Variants in NRXN1 observed in about 807,000 individuals in gnomAD.
NRXN1 encodes neurexin-1.
Under a neutral mutation model 150.9 loss-of-function variants are expected in NRXN1, and 39 were observed. The ratio of observed to expected loss-of-function variants is 0.26; its 90% CI spans 0.20 to 0.34. NRXN1 has a LOEUF of 0.34. Among genes scored for constraint, NRXN1 ranks in the 10% least tolerant of loss-of-function variants. The pLI is 1.00. For synonymous variants in NRXN1, 924 were observed against 757.0 expected (o/e 1.22, Z -3.62); for missense variants, 1,815 against 1,949.9 (o/e 0.93, Z 1.30).
chr2:51,006,308 C>T (rs1700714398), intron 2 of NRXN1, among the ~76,000 whole-genome samples: 1 of 150,314 alleles, frequency 6.7e-6, no homozygotes, highest in Non-Finnish European at 1.5e-5. Flanking sequence ...AAAAACCAAA[C>T]ACAGCATGTT....
At chr2:51,017,499 C>G (rs12990172) in intron 2 of NRXN1, among the ~76,000 whole-genome samples, 26,104 of 109,032 alleles carry the variant, frequency 0.24, 3,189 homozygotes, top group Non-Finnish European at 0.29. Flanking sequence ...GCCACCACAT[C>G]TGGCTTTTTT....
In NRXN1 at chr2:49,921,861, A is replaced by T. The variant is rs978892144; in HGVS notation, c.*83T>A. ...TGTCTTCTTTTGTATGTGCTTCATA[A>T]AAAGGAAAGTAAATAAGTTTATATT... On this transcript the variant is annotated 3_prime_UTR_variant, in exon 23 of 23. Coordinates refer to ENST00000401669, the MANE Select transcript of NRXN1 (RefSeq NM_001330078.2). 6 of 1,411,502 alleles carry T rather than the reference A, an allele frequency of 4.3e-6. No individual in the cohort carries two copies. The highest frequency in any genetic ancestry group is 5.9e-6 in the Non-Finnish European group (6 of 1,018,792). The allele number at this position is 1,411,502 out of a possible 1,614,324, so 87.4% of individuals were successfully genotyped here.
intron 18 of NRXN1, among the ~76,000 whole-genome samples, chr2:50,099,814 A>G (rs866567754): frequency 6.6e-6 from 1 of 152,278 alleles, no homozygotes; most frequent in South Asian, 2.1e-4. Context: ...CAGAGCATCT[A>G]TCTATGACTT....
intron 5 of NRXN1, among the ~76,000 whole-genome samples, chr2:50,777,276 T>C (rs989600728): frequency 6.6e-6 from 1 of 152,114 alleles, no homozygotes; most frequent in African/African-American, 2.4e-5. Flanking sequence ...GCAAATGGGA[T>C]ATGAGGTTTA....
intron 17 of NRXN1, among the ~76,000 whole-genome samples, chr2:50,459,845 A>G (rs953164461): frequency 1.3e-5 from 2 of 152,140 alleles, no homozygotes; most frequent in African/African-American, 4.8e-5. Flanking sequence ...TATAAAAAGT[A>G]AAATTAAACT....
At chr2:50,392,275 T>C (rs780800809) in intron 17 of NRXN1, among the ~76,000 whole-genome samples, 15 of 152,174 alleles carry the variant, frequency 9.9e-5, no homozygotes, top group Admixed American at 3.3e-4. Context: ...ATTGTCTTAC[T>C]GCCTTTCTAA....
chr2:49,958,556 G>C (rs1416429567), intron 21 of NRXN1, among the ~76,000 whole-genome samples: 2 of 152,062 alleles, frequency 1.3e-5, no homozygotes, highest in African/African-American at 4.8e-5. Context: ...TCATTGCTTA[G>C]ATGCCTACTA....
At chr2:50,353,432 G>A (rs540926350) in intron 17 of NRXN1, among the ~76,000 whole-genome samples, 1 of 152,058 alleles carries the variant, frequency 6.6e-6, no homozygotes, top group Non-Finnish European at 1.5e-5. Flanking sequence ...GTTTCAATGT[G>A]TTCATAATGT....
chr2:49,934,417 C>T (rs957711265), intron 22 of NRXN1, among the ~76,000 whole-genome samples: 2 of 152,136 alleles, frequency 1.3e-5, no homozygotes, highest in African/African-American at 2.4e-5. Flanking sequence ...CTGAGTCATT[C>T]TGTGTAATGG....
chr2:50,014,852 A>C (rs938743134), intron 21 of NRXN1, among the ~76,000 whole-genome samples: 1 of 152,134 alleles, frequency 6.6e-6, no homozygotes, highest in Admixed American at 6.5e-5. Context: ...GAAATAGCCC[A>C]GTGTAGTAAG....
intron 17 of NRXN1, among the ~76,000 whole-genome samples, chr2:50,395,418 G>T (rs1345574622): frequency 6.6e-6 from 1 of 151,222 alleles, no homozygotes; most frequent in Non-Finnish European, 1.5e-5. Flanking sequence ...TTATAAAAAA[G>T]AATTTTTTTC....
At chr2:50,793,284 A>C (rs1183489907) in intron 5 of NRXN1, among the ~76,000 whole-genome samples, 1 of 152,106 alleles carries the variant, frequency 6.6e-6, no homozygotes, top group Admixed American at 6.6e-5. Flanking sequence ...TGGTATGAAA[A>C]TGTTCAGATA....
chr2:50,264,758 A>G (rs1477372392), intron 17 of NRXN1, among the ~76,000 whole-genome samples: 1 of 152,090 alleles, frequency 6.6e-6, no homozygotes, highest in East Asian at 1.9e-4. Flanking sequence ...CAGGAAGAAC[A>G]TTGTGGAAAC....
intron 2 of NRXN1, among the ~76,000 whole-genome samples, chr2:50,976,156 C>T (rs1019149539): frequency 2.3e-4 from 35 of 150,614 alleles, no homozygotes; most frequent in Non-Finnish European, 5.9e-5. Flanking sequence ...TTAAGACACT[C>T]TATTAATTTA....
intron 5 of NRXN1, among the ~76,000 whole-genome samples, chr2:50,740,237 C>G (rs1360212373): frequency 9.9e-5 from 15 of 152,140 alleles, no homozygotes. Context: ...CCTGGTAGAA[C>G]CCTTCTAATG....
chr2:50,720,907 T>C (rs376378827), intron 5 of NRXN1, among the ~76,000 whole-genome samples: 1 of 152,154 alleles, frequency 6.6e-6, no homozygotes, highest in East Asian at 1.9e-4. Context: ...CTAGATGCAG[T>C]GCAATGTCTG....
chr2:50,098,739 T>C (rs1307922899), intron 18 of NRXN1, among the ~76,000 whole-genome samples: 1 of 151,700 alleles, frequency 6.6e-6, no homozygotes, highest in Non-Finnish European at 1.5e-5. Flanking sequence ...TGTGTCAGTG[T>C]TCCAGGAAAA....
intron 8 of NRXN1, among the ~76,000 whole-genome samples, chr2:50,583,057 T>C (rs1672543225): frequency 1.3e-5 from 2 of 152,072 alleles, no homozygotes; most frequent in Admixed American, 1.3e-4. Context: ...CTAGTTTTTT[T>C]TTTTTCTTTT....
intron 5 of NRXN1, among the ~76,000 whole-genome samples, chr2:50,892,116 C>T (rs1287394914): frequency 6.6e-6 from 1 of 152,014 alleles, no homozygotes; most frequent in Non-Finnish European, 1.5e-5. Flanking sequence ...CAGATGGAGA[C>T]AGACTTCTTT....
Sources: allele counts gnomAD v4.1 joint callset (sites outside exome capture counted in the v4.1 genomes callset), GRCh38; gene constraint gnomAD v4.1.1; transcripts MANE v1.5; gene names NCBI Gene and HGNC (gene_info 2026-07-23, HGNC 2026-07-21).